The following PEX14 variants were observed in gnomAD, a reference collection of about 807,000 sequenced individuals.
PEX14 encodes peroxisomal biogenesis factor 14.
PEX14 carries 15 observed loss-of-function variants against 49.5 expected under a neutral mutation model. The observed-to-expected ratio is 0.30, with a 90% CI of 0.20 to 0.47. The LOEUF (loss-of-function observed/expected upper bound fraction) is 0.47. Among genes scored for constraint, PEX14 ranks in the 20% least tolerant of loss-of-function variants. The pLI is 1.00. For missense variants in PEX14, 398 were observed against 494.8 expected (o/e 0.80, Z 1.86); for synonymous variants, 210 against 212.7 (o/e 0.99, Z 0.11).
intron 4 of PEX14, chr1:10,617,080 A>G (rs1011814277): frequency 2.0e-5 from 3 of 151,940 alleles, no homozygotes; most frequent in African/African-American, 7.3e-5. Flanking sequence ...TCGCCACTGC[A>G]CTCCAGCCTG....
intron 3 of PEX14, among the ~76,000 whole-genome samples, chr1:10,559,489 A>G (rs1639585146): frequency 6.6e-6 from 1 of 152,216 alleles, no homozygotes; most frequent in South Asian, 2.1e-4. Flanking sequence ...AATAACTCCC[A>G]GTCCCTTGGC....
chr1:10,577,568 T>A (rs1450441820), intron 3 of PEX14, among the ~76,000 whole-genome samples: 190 of 3,162 alleles, frequency 0.06, 5 homozygotes, highest in East Asian at 0.11. Context: ...ATATATTTTT[T>A]TTTTTTTTTT....
intron 3 of PEX14, among the ~76,000 whole-genome samples, chr1:10,577,973 A>G (rs1640199409): frequency 6.6e-6 from 1 of 151,862 alleles, no homozygotes; most frequent in Admixed American, 6.6e-5. Flanking sequence ...AGCCACCTTT[A>G]TAAGGCTTTT....
chr1:10,599,182 C>G, intron 3 of PEX14, 56 bp from the exon 4 acceptor site: 1 of 1,582,450 alleles, frequency 6.3e-7, no homozygotes, highest in Non-Finnish European at 8.7e-7. Context: ...GATTCTGTTG[C>G]AGCTATGGAC....
At chr1:10,490,574 G>C (rs2124392115) in intron 1 of PEX14, among the ~76,000 whole-genome samples, 1 of 152,146 alleles carries the variant, frequency 6.6e-6, no homozygotes, top group Admixed American at 6.6e-5. Context: ...TTTTAAAGCA[G>C]TTTTCTGCTT....
At chr1:10,548,319 C>G (rs1232852853) in intron 3 of PEX14, among the ~76,000 whole-genome samples, 1 of 152,172 alleles carries the variant, frequency 6.6e-6, no homozygotes, top group Non-Finnish European at 1.5e-5. Context: ...TAAGGGTAGA[C>G]AAGAGAGTTT....
rs1641340570 is a variant in PEX14, at chr1:10,613,912, TTTC to T, written c.299-4416_299-4414del. ...TAAAAAGCCCACTCATTCTCTTCCTTTTCTTCCCAGCTAGAGAAGAGTGACTGC... is the reference window on the plus strand; with the variant it reads ...TAAAAAGCCCACTCATTCTCTTCCTTTTCCCAGCTAGAGAAGAGTGACTGC... On this transcript the variant is annotated intron_variant, in intron 4 of 8. Coordinates refer to ENST00000356607, the MANE Select transcript of PEX14 (RefSeq NM_004565.3). The surrounding 1 kb of genome is among the most constrained non-coding windows in gnomAD (Gnocchi z 5.0). Among the ~76,000 whole-genome samples, 1 of 152,192 alleles carries T rather than the reference TTTC, an allele frequency of 6.6e-6. No individual in the cohort carries two copies. The highest frequency in any genetic ancestry group is 2.1e-4 in the South Asian group (1 of 4,832).
intron 1 of PEX14, among the ~76,000 whole-genome samples, chr1:10,485,941 A>G (rs1310527487): frequency 6.6e-6 from 1 of 151,806 alleles, no homozygotes; most frequent in Admixed American, 6.6e-5. Context: ...TATTTTTAGT[A>G]GAGACGGGGT....
chr1:10,629,389 G>A lies in PEX14; in HGVS notation c.678-142G>A. The A allele has an allele frequency of 2.9e-6, 2 of 687,482 alleles. No homozygotes were observed. Among genetic ancestry groups the A allele is most frequent in the Non-Finnish European group, 5.2e-6 (2 of 383,008 alleles). 42.6% of individuals were successfully genotyped at this position (687,482 alleles called of 1,614,324 possible). ...TTGCTCCTGAAAGGAGGGGTGGAAG[G>A]GCTCCATCCTGTCCCTTGCCCAGTG... On this transcript the variant is annotated intron_variant, in intron 8 of 8. Transcript: ENST00000356607. The surrounding 1 kb of genome is among the most constrained non-coding windows in gnomAD (Gnocchi z 8.5).
At chr1:10,541,929 A>G (rs1299387300) in intron 3 of PEX14, among the ~76,000 whole-genome samples, 1 of 152,188 alleles carries the variant, frequency 6.6e-6, no homozygotes, top group Non-Finnish European at 1.5e-5. Context: ...AATAGTGCAG[A>G]GGAGTTTGCG....
chr1:10,525,889 G>A (rs1385826381), intron 2 of PEX14, among the ~76,000 whole-genome samples: 1 of 150,102 alleles, frequency 6.7e-6, no homozygotes, highest in Non-Finnish European at 1.5e-5. Context: ...CCCCTAAAGT[G>A]TTGAGGTTGC....
At chr1:10,614,889 C>G (rs1641368993) in intron 4 of PEX14, among the ~76,000 whole-genome samples, 1 of 152,158 alleles carries the variant, frequency 6.6e-6, no homozygotes, top group Admixed American at 6.5e-5. Context: ...GGTTTTGTAT[C>G]TGGAGCGCCA....
intron 2 of PEX14, among the ~76,000 whole-genome samples, chr1:10,519,880 A>T (rs1432116098): frequency 6.6e-6 from 1 of 151,942 alleles, no homozygotes; most frequent in Non-Finnish European, 1.5e-5. Flanking sequence ...GGCCGAAGTG[A>T]TCCTCCCGCC....
intron 2 of PEX14, among the ~76,000 whole-genome samples, chr1:10,517,655 T>TC (rs1641994013): frequency 2.2e-5 from 1 of 45,966 alleles, no homozygotes; most frequent in African/African-American, 5.2e-5. Flanking sequence ...CATTTTGTTC[T>TC]TTTTTTTTTT....
At chr1:10,503,566 A>G (rs543760731) in intron 2 of PEX14, among the ~76,000 whole-genome samples, 1 of 152,048 alleles carries the variant, frequency 6.6e-6, no homozygotes, top group South Asian at 2.1e-4. Context: ...ATCAGTTTCA[A>G]AGAATTTTCA....
chr1:10,525,082 A>T (rs13375411), intron 2 of PEX14, among the ~76,000 whole-genome samples: 12,195 of 152,208 alleles, frequency 0.08, 1,236 homozygotes, highest in African/African-American at 0.24. Context: ...AAGGTTGCTG[A>T]ATGGTTCAAA....
At chr1:10,604,890 C>T (rs958694180) in intron 4 of PEX14, among the ~76,000 whole-genome samples, 7 of 152,130 alleles carry the variant, frequency 4.6e-5, no homozygotes, top group South Asian at 4.1e-4. Context: ...GGGCATCAGC[C>T]GGAGGCCATT....
Position 10,475,088 on chromosome 1 carries a change from C to A in PEX14, c.36+86C>A, listed in dbSNP as rs573797688. On this transcript the variant is annotated intron_variant, in intron 1 of 8. Transcript: ENST00000356607. ...CATACGGCTGGGAGCCGGGTAGGGA[C>A]CCCGAGTCTCCGAAGCTGGGGACCC... 307 of 1,318,158 alleles carry A rather than the reference C, an allele frequency of 2.3e-4. 1 individual carries two copies. In the African/African-American group the frequency reaches 3.9e-3, roughly 17 times the overall value. 81.7% of individuals were successfully genotyped at this position (1,318,158 alleles called of 1,614,324 possible). A position where few individuals can be genotyped will look rare whatever the true frequency, so the allele number is the denominator to read the frequency against.
intron 2 of PEX14, among the ~76,000 whole-genome samples, chr1:10,499,946 G>T (rs539964143): frequency 6.6e-6 from 1 of 152,272 alleles, no homozygotes; most frequent in African/African-American, 2.4e-5. Context: ...ATGGAACCTT[G>T]TCCAGGGGGT....
Sources: allele counts gnomAD v4.1 joint callset (sites outside exome capture counted in the v4.1 genomes callset), GRCh38; gene constraint gnomAD v4.1.1; non-coding constraint Gnocchi (gnomAD v3.1); transcripts MANE v1.5; gene names NCBI Gene and HGNC (gene_info 2026-07-23, HGNC 2026-07-21).